Variants in ZNF652 observed in about 807,000 individuals in gnomAD.
ZNF652 encodes the protein zinc finger protein 652.
Under a neutral mutation model 45.2 loss-of-function variants are expected in ZNF652, and 16 were observed. That is an observed-to-expected ratio of 0.35 (90% CI 0.24 to 0.54). ZNF652 has a LOEUF of 0.54. Among genes scored for constraint, ZNF652 ranks in the 20% least tolerant of loss-of-function variants. The pLI, the probability that ZNF652 is intolerant of heterozygous loss-of-function variation, is 0.91. For missense variants in ZNF652, 614 were observed against 765.6 expected (o/e 0.80, Z 2.34); for synonymous variants, 250 against 260.6 (o/e 0.96, Z 0.39).
At chr17:49,300,238 G>C (rs2069533758) in intron 5 of ZNF652, among the ~76,000 whole-genome samples, 1 of 152,094 alleles carries the variant, frequency 6.6e-6, no homozygotes, top group Non-Finnish European at 1.5e-5. Context: ...AGCATTCCTG[G>C]TGCCAGCCTA....
chr17:49,320,213 G>A (rs1295306594), intron 1 of ZNF652, among the ~76,000 whole-genome samples: 1 of 151,928 alleles, frequency 6.6e-6, no homozygotes, highest in East Asian at 1.9e-4. Context: ...TCACTCCTAT[G>A]CTAATCCTTT....
chr17:49,318,811 G>A (rs535218722), intron 1 of ZNF652, among the ~76,000 whole-genome samples: 2 of 152,082 alleles, frequency 1.3e-5, no homozygotes, highest in East Asian at 1.9e-4. Flanking sequence ...TGTGGTCCCC[G>A]GAAATAAAAC....
At chr17:49,350,998 TATATATATATATATATACACACACACAC>T (rs1323312009) in intron 1 of ZNF652, among the ~76,000 whole-genome samples, 26 of 22,584 alleles carry the variant, frequency 1.2e-3, no homozygotes, top group African/African-American at 4.2e-3. Context: ...TATATATATA[TATATATATATATATATACACACACACAC>T]ACACACACAC....
chr17:49,361,172 A>C (rs1480682763), intron 1 of ZNF652: 1 of 152,294 alleles, frequency 6.6e-6, no homozygotes, highest in Non-Finnish European at 1.5e-5. Flanking sequence ...GTTGTGATCA[A>C]AGCTGGACCT....
chr17:49,299,292 C>T (rs1477779149), intron 5 of ZNF652, among the ~76,000 whole-genome samples: 1 of 152,190 alleles, frequency 6.6e-6, no homozygotes, highest in Admixed American at 6.5e-5. Context: ...ACACAAAGAA[C>T]AGTTCAAATG....
chr17:49,354,610 C>CAAA (rs562846972), intron 1 of ZNF652, among the ~76,000 whole-genome samples: 2,284 of 111,904 alleles, frequency 0.02, 63 homozygotes, highest in African/African-American at 0.068. Flanking sequence ...GACTCCGCCT[C>CAAA]AAAAAAAAAA....
intron 1 of ZNF652, among the ~76,000 whole-genome samples, chr17:49,357,642 C>A (rs1952917841): frequency 6.6e-6 from 1 of 152,228 alleles, no homozygotes; most frequent in Non-Finnish European, 1.5e-5. Context: ...CTACAAAGCA[C>A]TTTATGGCTT....
At chr17:49,352,208 T>C (rs1302900982) in intron 1 of ZNF652, among the ~76,000 whole-genome samples, 1 of 152,220 alleles carries the variant, frequency 6.6e-6, no homozygotes, top group Non-Finnish European at 1.5e-5. Flanking sequence ...CTACTAATAG[T>C]GTTTGTACTT....
chr17:49,314,915 G>C (rs1163579688), intron 2 of ZNF652, among the ~76,000 whole-genome samples: 1 of 152,102 alleles, frequency 6.6e-6, no homozygotes, highest in African/African-American at 2.4e-5. Context: ...TGTTGCTCAA[G>C]CTGGAATGCA....
At chr17:49,348,308 TAGTG>T (rs796519390) in intron 1 of ZNF652, among the ~76,000 whole-genome samples, 4 of 151,554 alleles carry the variant, frequency 2.6e-5, no homozygotes, top group African/African-American at 7.3e-5. Context: ...CTGGGCAACA[TAGTG>T]AGACCCCTAT....
At position 49,350,807 on chromosome 17, in the gene ZNF652, T is replaced by C. The variant is rs147440822; in HGVS notation, c.-259+11102A>G. The stretch of plus-strand genomic sequence containing the variant: ...CAACATGGCAAAACCCCATCTCTAC[T>C]AAAAATACAAAAATTAGCCAGGCAT... On this transcript the variant is annotated intron_variant, in intron 1 of 5. Coordinates refer to ENST00000430262, the MANE Select transcript of ZNF652 (RefSeq NM_001145365.3). 7.7e-3 allele frequency among the ~76,000 whole-genome samples: 1,167 copies of C among 150,816 alleles called. 22 individuals are homozygous for C. The highest frequency in any genetic ancestry group is 0.025 in the African/African-American group (1,022 of 41,086).
chr17:49,359,719 A>C (rs1029824101), intron 1 of ZNF652, among the ~76,000 whole-genome samples: 7 of 152,206 alleles, frequency 4.6e-5, no homozygotes, highest in African/African-American at 7.2e-5. Flanking sequence ...AATGGTGCAA[A>C]GTTCATCCTC....
chr17:49,288,859 T>C (rs566022746), downstream of ZNF652, among the ~76,000 whole-genome samples: 1 of 152,304 alleles, frequency 6.6e-6, no homozygotes, highest in East Asian at 1.9e-4. Context: ...TTCTTCAAAT[T>C]GGTTCAGAAC....
At position 49,290,879 on chromosome 17, in the gene ZNF652, G is replaced by T. The variant is rs1254485365; in HGVS notation, c.*7534C>A. 6.6e-6 allele frequency: 1 copy of T among 152,188 alleles called. No individual in the cohort carries two copies. The highest frequency in any genetic ancestry group is 1.5e-5 in the Non-Finnish European group (1 of 68,028). The allele number at this position is 152,188 out of a possible 1,614,324, so 9.4% of individuals were successfully genotyped here. ...TAAAAGTGGGATCTTTCTTTAGAAG[G>T]TTGAGAATAAAGCTAACGTACTTTA... On this transcript the variant is annotated 3_prime_UTR_variant, in exon 6 of 6. Coordinates refer to ENST00000430262, the MANE Select transcript of ZNF652 (RefSeq NM_001145365.3).
chr17:49,339,196 A>ATTTTTTTTT (rs766243923), intron 1 of ZNF652, among the ~76,000 whole-genome samples: 1 of 101,770 alleles, frequency 9.8e-6, no homozygotes, highest in Non-Finnish European at 2.0e-5. Context: ...TGAGTTAGGA[A>ATTTTTTTTT]ATTTTTTTTT....
intron 1 of ZNF652, among the ~76,000 whole-genome samples, chr17:49,339,522 A>ACTAGTTGCAC (rs753138221): frequency 2.0e-5 from 3 of 152,058 alleles, no homozygotes; most frequent in Non-Finnish European, 4.4e-5. Flanking sequence ...CTAGCCAGAA[A>ACTAGTTGCAC]TCGTTGCAAC....
intron 1 of ZNF652, among the ~76,000 whole-genome samples, chr17:49,347,254 A>G (rs2070214253): frequency 6.6e-6 from 1 of 152,196 alleles, no homozygotes; most frequent in African/African-American, 2.4e-5. Flanking sequence ...TAACTGAAAA[A>G]CAAATTATAG....
At chr17:49,336,965 T>TTTTTA (rs66568404) in intron 1 of ZNF652, among the ~76,000 whole-genome samples, 29,172 of 111,610 alleles carry the variant, frequency 0.26, 4,340 homozygotes, top group Non-Finnish European at 0.36. Context: ...TTTTTTTTTT[T>TTTTTA]AAGTATGTAA....
In ZNF652 at chr17:49,301,295, C is replaced by T. The variant is rs139760266; in HGVS notation, c.1310-2371G>A. The stretch of plus-strand genomic sequence containing the variant: ...TTGAAGACTATCATATTTCCCTTGT[C>T]TTTACGCTTTTTTTTTGAGTCGGAG... On this transcript the variant is annotated intron_variant, in intron 5 of 5. Coordinates refer to ENST00000430262, the MANE Select transcript of ZNF652 (RefSeq NM_001145365.3). Among the ~76,000 whole-genome samples, 1,184 of 152,192 alleles carry T rather than the reference C, an allele frequency of 7.8e-3. 8 individuals are homozygous for T. Among genetic ancestry groups the T allele is most frequent in the Non-Finnish European group, 0.01 (694 of 68,016 alleles).
Sources: gnomAD v4.1 joint callset for allele counts (sites outside exome capture counted in the v4.1 genomes callset) on GRCh38, gnomAD v4.1.1 for gene constraint, MANE v1.5 for transcripts, NCBI Gene and HGNC (gene_info 2026-07-23, HGNC 2026-07-21) for gene names.